Variants in TRPC7 observed in about 807,000 individuals in gnomAD.
TRPC7 encodes the protein transient receptor potential cation channel subfamily C member 7, also known as short transient receptor potential channel 7.
Under a neutral mutation model 90.1 loss-of-function variants are expected in TRPC7, and 42 were observed. The ratio of observed to expected loss-of-function variants is 0.47; its 90% CI spans 0.36 to 0.60. The LOEUF (loss-of-function observed/expected upper bound fraction) is 0.60. Ranked by LOEUF, TRPC7 falls within the 20% of genes least tolerant of loss-of-function variation. The pLI is 0.00. For missense variants in TRPC7, 955 were observed against 1,112.3 expected (o/e 0.86, Z 2.01); for synonymous variants, 451 against 436.3 (o/e 1.03, Z -0.42).
chr5:136,271,416 T>C (rs1240390267), intron 4 of TRPC7, among the ~76,000 whole-genome samples: 1 of 152,220 alleles, frequency 6.6e-6, no homozygotes. Flanking sequence ...GAGACACTGT[T>C]TGAACCTTTG....
chr5:136,330,399 C>T (rs914187165), intron 2 of TRPC7, among the ~76,000 whole-genome samples: 5 of 152,136 alleles, frequency 3.3e-5, no homozygotes, highest in Middle Eastern at 3.2e-3. Context: ...ACAGAGGAAC[C>T]GAGGCCCAGA....
chr5:136,250,513 C>T (rs1279606162), intron 6 of TRPC7, among the ~76,000 whole-genome samples: 1 of 152,214 alleles, frequency 6.6e-6, no homozygotes, highest in Admixed American at 6.5e-5. Flanking sequence ...ACTGTTCCTT[C>T]AACTTTCAAC....
chr5:136,328,229 C>T (rs62385859), intron 2 of TRPC7, among the ~76,000 whole-genome samples: 13,167 of 152,168 alleles, frequency 0.087, 723 homozygotes, highest in Non-Finnish European at 0.13. Context: ...CCTGGGTCCT[C>T]AGAGTCCAGG....
intron 5 of TRPC7, among the ~76,000 whole-genome samples, chr5:136,253,754 A>C (rs1315439472): frequency 6.6e-6 from 1 of 152,136 alleles, no homozygotes; most frequent in Non-Finnish European, 1.5e-5. Flanking sequence ...TAATAGTTCT[A>C]CAATGGTTTC....
chr5:136,282,961 C>T (rs147567104), intron 3 of TRPC7, among the ~76,000 whole-genome samples: 3 of 152,074 alleles, frequency 2.0e-5, no homozygotes, highest in Non-Finnish European at 2.9e-5. Context: ...CCAGGCTGGA[C>T]GACAGGGGAT....
At chr5:136,359,398 G>A (rs1760491430) in intron 1 of TRPC7, among the ~76,000 whole-genome samples, 1 of 152,166 alleles carries the variant, frequency 6.6e-6, no homozygotes, top group South Asian at 2.1e-4. Flanking sequence ...TCCTAATAGA[G>A]AGCTCTGTAC....
chr5:136,247,869 T>C lies in TRPC7; in HGVS notation c.1580-134A>G. 1 of 1,156,206 alleles carries C rather than the reference T, an allele frequency of 8.6e-7. No individual in the cohort carries two copies. The highest frequency in any genetic ancestry group is 1.2e-6 in the Non-Finnish European group (1 of 834,516). 71.6% of individuals were successfully genotyped at this position (1,156,206 alleles called of 1,614,324 possible). A position where few individuals can be genotyped will look rare whatever the true frequency, so the allele number is the denominator to read the frequency against. On this transcript the variant is annotated intron_variant, in intron 6 of 11. Coordinates refer to ENST00000513104, the MANE Select transcript of TRPC7 (RefSeq NM_020389.3). This position sits in a 1 kb window ranked among gnomAD's most constrained non-coding sequence, Gnocchi z 4.2. ...CCTTGTCCTTAAATTAATCCCAATA[T>C]CCAGAAGTTGCCACCCTCCCTCTTG...
chr5:136,293,694 T>C (rs1413221732), intron 3 of TRPC7, among the ~76,000 whole-genome samples: 4 of 152,138 alleles, frequency 2.6e-5, no homozygotes, highest in Non-Finnish European at 5.9e-5. Flanking sequence ...AGAATCAATA[T>C]TGTGAAAATG....
At chr5:136,296,631 T>C (rs972665508) in intron 3 of TRPC7, among the ~76,000 whole-genome samples, 6 of 152,104 alleles carry the variant, frequency 3.9e-5, no homozygotes, top group African/African-American at 1.4e-4. Context: ...GTGGATCAAA[T>C]CACAAAATTA....
intron 2 of TRPC7, among the ~76,000 whole-genome samples, chr5:136,334,287 A>G (rs1207162469): frequency 6.6e-6 from 1 of 152,262 alleles, no homozygotes; most frequent in Non-Finnish European, 1.5e-5. Flanking sequence ...CCATATGTAT[A>G]GAAGTGACTT....
Position 136,356,894 on chromosome 5 carries a change from A to G in TRPC7, c.494T>C (p.Ile165Thr). ...DEDGTRFSHD[I>T]TPIILAAHCQ... ...GTGCGCCGCCAGGATGATGGGCGTG[A>G]TGTCGTGGGAGAAGCGCGTGCCGTC... is the stretch of plus-strand genomic sequence containing the variant. The change falls in exon 2 of 12, where the codon ATC becomes ACC. Residue 165 changes from isoleucine (I) to threonine (T), a missense_variant. Physicochemically the swap from Ile to Thr is moderately conservative, Grantham distance 89 (BLOSUM62 -1). This residue lies in a region of TRPC7 where 484 missense variants were observed against 509.6 expected (regional missense o/e 0.95). Coordinates refer to ENST00000513104, the MANE Select transcript of TRPC7 (RefSeq NM_020389.3). 6.2e-7 allele frequency: 1 copy of G among 1,613,860 alleles called. No individual in the cohort carries two copies. The highest frequency in any genetic ancestry group is 8.5e-7 in the Non-Finnish European group (1 of 1,179,932).
In TRPC7 at chr5:136,250,640, G is replaced by A. The variant is rs561713651; in HGVS notation, c.1579+1009C>T. On this transcript the variant is annotated intron_variant, in intron 6 of 11. Coordinates refer to ENST00000513104, the MANE Select transcript of TRPC7 (RefSeq NM_020389.3). The stretch of plus-strand genomic sequence containing the variant: ...AGCAGATAATAGCTGCTACCATTAA[G>A]TGAGCATTTACTATTTTCACAGCAG... Among the ~76,000 whole-genome samples the A allele has an allele frequency of 5.9e-5, 9 of 152,260 alleles. No individual in the cohort carries two copies. In the South Asian group the frequency reaches 1.7e-3, roughly 28 times the overall value.
intron 8 of TRPC7, among the ~76,000 whole-genome samples, chr5:136,227,356 G>A (rs1755659909): frequency 6.6e-6 from 1 of 152,188 alleles, no homozygotes; most frequent in South Asian, 2.1e-4. Context: ...AGCTTATGGA[G>A]ATAAAACTGC....
intron 5 of TRPC7, among the ~76,000 whole-genome samples, chr5:136,257,185 CTT>C (rs1381833657): frequency 3.3e-4 from 46 of 138,932 alleles, no homozygotes; most frequent in Admixed American, 2.9e-4. Flanking sequence ...GTTTTTCTTT[CTT>C]TTTTTTTTTT....
chr5:136,343,809 G>A (rs12518787), intron 2 of TRPC7, among the ~76,000 whole-genome samples: 1 of 151,974 alleles, frequency 6.6e-6, no homozygotes, highest in Non-Finnish European at 1.5e-5. Context: ...AAAGATATTT[G>A]CAATGTCTGA....
chr5:136,293,841 T>C (rs1406795660), intron 3 of TRPC7, among the ~76,000 whole-genome samples: 2 of 152,220 alleles, frequency 1.3e-5, no homozygotes, highest in African/African-American at 4.8e-5. Context: ...AGGTCAATCC[T>C]AAGCCAAAAG....
intron 3 of TRPC7, among the ~76,000 whole-genome samples, chr5:136,275,355 A>G (rs576425147): frequency 6.7e-6 from 1 of 149,896 alleles, no homozygotes; most frequent in South Asian, 2.1e-4. Flanking sequence ...AGCTTATCAC[A>G]TTGTCTTGGA....
intron 1 of TRPC7, among the ~76,000 whole-genome samples, chr5:136,363,984 T>A (rs1030836118): frequency 6.6e-6 from 1 of 152,224 alleles, no homozygotes; most frequent in African/African-American, 2.4e-5. Context: ...TAGATATGTG[T>A]AACCTTTTGA....
At chr5:136,269,010 G>C (rs536251864) in intron 4 of TRPC7, among the ~76,000 whole-genome samples, 21 of 152,306 alleles carry the variant, frequency 1.4e-4, no homozygotes, top group South Asian at 4.1e-4. Flanking sequence ...AAGGCCATCA[G>C]ATGAGCCAAA....
Sources: gnomAD v4.1 joint callset for allele counts (sites outside exome capture counted in the v4.1 genomes callset) on GRCh38, gnomAD v4.1.1 for gene constraint, gnomAD v4.1.1 regional missense constraint, Gnocchi (gnomAD v3.1) non-coding constraint, MANE v1.5 for transcripts, NCBI Gene and HGNC (gene_info 2026-07-23, HGNC 2026-07-21) for gene names.